The following DEPDC1B variants were observed in gnomAD, a reference collection of about 807,000 sequenced individuals.
DEPDC1B encodes DEP domain-containing protein 1B.
A neutral mutation model predicts 66.5 loss-of-function variants in DEPDC1B; 51 were observed. The ratio of observed to expected loss-of-function variants is 0.77; its 90% CI spans 0.61 to 0.97. The LOEUF is 0.97. Ranked by LOEUF, DEPDC1B falls within the 50% of genes least tolerant of loss-of-function variation. The pLI is 0.00. For synonymous variants in DEPDC1B, 226 were observed against 223.6 expected (o/e 1.01, Z -0.10); for missense variants, 552 against 637.1 (o/e 0.87, Z 1.44).
intron 2 of DEPDC1B, among the ~76,000 whole-genome samples, chr5:60,679,514 G>A (rs1311201671): frequency 5.9e-5 from 9 of 152,000 alleles, no homozygotes; most frequent in Non-Finnish European, 1.3e-4. Flanking sequence ...GTTGAAACAT[G>A]AGAATGACAC....
chr5:60,640,415 G>A (rs1048505584), intron 6 of DEPDC1B, among the ~76,000 whole-genome samples: 1 of 152,102 alleles, frequency 6.6e-6, no homozygotes, highest in African/African-American at 2.4e-5. Flanking sequence ...AAAAATCAGT[G>A]CATGGTGAGC....
At chr5:60,604,215 A>ATTT (rs1323826916) in intron 8 of DEPDC1B, among the ~76,000 whole-genome samples, 3 of 60,086 alleles carry the variant, frequency 5.0e-5, no homozygotes, top group East Asian at 6.1e-4. Flanking sequence ...GAAATTAACT[A>ATTT]TTCTTTTTTT....
In DEPDC1B at chr5:60,682,875, A is replaced by G. The variant is rs372696212; in HGVS notation, c.314+4087T>C. Among the ~76,000 whole-genome samples, 17 of 152,330 alleles carry G rather than the reference A, an allele frequency of 1.1e-4. No homozygotes were observed. In the South Asian group the frequency reaches 3.3e-3, roughly 30 times the overall value. ...CTACCACACCTTTGAAGAGGAATTA[A>G]TATCAATTCTTATCAAATTATTCCA... On this transcript the variant is annotated intron_variant, in intron 2 of 10. Transcript: ENST00000265036.
At chr5:60,685,639 C>A (rs954205467) in intron 2 of DEPDC1B, among the ~76,000 whole-genome samples, 1 of 152,060 alleles carries the variant, frequency 6.6e-6, no homozygotes, top group Non-Finnish European at 1.5e-5. Flanking sequence ...TGGGAGGTAC[C>A]CAATTTAAGG....
chr5:60,694,343 ATTT>A (rs1264269188), intron 1 of DEPDC1B, among the ~76,000 whole-genome samples: 1 of 152,188 alleles, frequency 6.6e-6, no homozygotes, highest in African/African-American at 2.4e-5. Context: ...TTATTCTGCC[ATTT>A]TCTAACAAAT....
rs1354191806 is a variant in DEPDC1B, at chr5:60,700,035, C to T, written c.48+11G>A. The stretch of plus-strand genomic sequence containing the variant: ...CGGGTGCTCCGCCCAGGCCCCAGCA[C>T]ACTCACTCACCAGCCTGGTAGCTCG... On this transcript the variant is annotated intron_variant, in intron 1 of 10. Transcript: ENST00000265036. 1 of 1,553,876 alleles carries T rather than the reference C, an allele frequency of 6.4e-7. No homozygotes were observed. The highest frequency in any genetic ancestry group is 1.2e-5 in the South Asian group (1 of 84,212).
intron 2 of DEPDC1B, among the ~76,000 whole-genome samples, chr5:60,652,605 T>C (rs1215359248): frequency 6.7e-6 from 1 of 149,108 alleles, no homozygotes; most frequent in East Asian, 2.0e-4. Context: ...GAATCCTTTT[T>C]ATTTATTTAT....
intron 2 of DEPDC1B, among the ~76,000 whole-genome samples, chr5:60,656,155 G>A (rs1433777536): frequency 7.2e-6 from 1 of 139,596 alleles, no homozygotes; most frequent in Admixed American, 7.0e-5. Context: ...TATAGTTTAA[G>A]TCCATTTTTT....
intron 1 of DEPDC1B, among the ~76,000 whole-genome samples, chr5:60,691,247 T>C (rs1340666583): frequency 6.6e-6 from 1 of 151,656 alleles, no homozygotes; most frequent in Non-Finnish European, 1.5e-5. Flanking sequence ...AGAGATGAGG[T>C]TTCACCATGT....
At chr5:60,612,784 T>G (rs1338121691) in intron 7 of DEPDC1B, among the ~76,000 whole-genome samples, 1 of 151,432 alleles carries the variant, frequency 6.6e-6, no homozygotes, top group East Asian at 1.9e-4. Context: ...AATTTAAAAA[T>G]TTGTTTAAAA....
chr5:60,641,449 C>G (rs1188248675), intron 6 of DEPDC1B, among the ~76,000 whole-genome samples: 1 of 151,466 alleles, frequency 6.6e-6, no homozygotes, highest in Non-Finnish European at 1.5e-5. Context: ...CTCAGCCTCC[C>G]AAGTAGCTGG....
At chr5:60,633,418 A>G (rs1048340529) in intron 7 of DEPDC1B, among the ~76,000 whole-genome samples, 2 of 152,236 alleles carry the variant, frequency 1.3e-5, no homozygotes, top group Non-Finnish European at 2.9e-5. Flanking sequence ...GAAACTGTGA[A>G]GTAGACTTGG....
chr5:60,667,912 TAA>T (rs998246785), intron 2 of DEPDC1B, among the ~76,000 whole-genome samples: 1 of 90,678 alleles, frequency 1.1e-5, no homozygotes, highest in African/African-American at 3.7e-5. Context: ...TTTATATATA[TAA>T]AAAATGGATA....
At chr5:60,696,491 G>T (rs1227206308) in intron 1 of DEPDC1B, among the ~76,000 whole-genome samples, 1 of 152,028 alleles carries the variant, frequency 6.6e-6, no homozygotes, top group Non-Finnish European at 1.5e-5. Context: ...ATAACTAAGG[G>T]GTTATTTGGC....
At chr5:60,667,878 TA>T (rs1753903755) in intron 2 of DEPDC1B, among the ~76,000 whole-genome samples, 1 of 81,940 alleles carries the variant, frequency 1.2e-5, no homozygotes, top group Admixed American at 1.6e-4. Context: ...ATGGATATTT[TA>T]CATATATGTA....
At chr5:60,684,233 G>C (rs1036874587) in intron 2 of DEPDC1B, among the ~76,000 whole-genome samples, 2 of 151,904 alleles carry the variant, frequency 1.3e-5, no homozygotes, top group African/African-American at 4.8e-5. Context: ...ACATTCTAGA[G>C]AACAGAAAAA....
chr5:60,695,948 G>A (rs1446585048), intron 1 of DEPDC1B, among the ~76,000 whole-genome samples: 1 of 152,120 alleles, frequency 6.6e-6, no homozygotes, highest in Non-Finnish European at 1.5e-5. Flanking sequence ...ACAGGCATGT[G>A]CCACCACACC....
intron 9 of DEPDC1B, among the ~76,000 whole-genome samples, chr5:60,599,881 G>C (rs1163355678): frequency 1.3e-5 from 2 of 151,404 alleles, no homozygotes; most frequent in Non-Finnish European, 2.9e-5. Context: ...AGCTCTGAAG[G>C]CTGTAAGACC....
chr5:60,644,600 A>C, intron 5 of DEPDC1B, 145 bp downstream of exon 5: 1 of 563,006 alleles, frequency 1.8e-6, no homozygotes, highest in Non-Finnish European at 2.8e-6. Flanking sequence ...TATTCCAAAC[A>C]ATTTGTTAAA....
Sources: gnomAD v4.1 joint callset for allele counts (sites outside exome capture counted in the v4.1 genomes callset) on GRCh38, gnomAD v4.1.1 for gene constraint, MANE v1.5 for transcripts, NCBI Gene and HGNC (gene_info 2026-07-23, HGNC 2026-07-21) for gene names.